The following PKHD1L1 variants were observed in gnomAD, a reference collection of about 807,000 sequenced individuals.
The protein encoded by PKHD1L1 is fibrocystin-L.
A neutral mutation model predicts 462.9 loss-of-function variants in PKHD1L1; 434 were observed. The observed-to-expected ratio is 0.94, with a 90% CI of 0.87 to 1.02. The LOEUF is 1.02. PKHD1L1 is among the 50% of genes least tolerant of loss of function. PKHD1L1 has a pLI of 0.00. For synonymous variants in PKHD1L1, 1,781 were observed against 1,750.0 expected (o/e 1.02, Z -0.44); for missense variants, 5,202 against 5,096.1 (o/e 1.02, Z -0.63).
chr8:109,497,357 CCTT>C, intron 65 of PKHD1L1, 85 bp downstream of exon 65: 1 of 1,406,972 alleles, frequency 7.1e-7, no homozygotes, highest in South Asian at 1.3e-5. Context: ...AGAATAATCT[CCTT>C]AACTTCTATC....
intron 2 of PKHD1L1, among the ~76,000 whole-genome samples, chr8:109,366,083 C>A (rs1347974606): frequency 6.6e-6 from 1 of 152,172 alleles, no homozygotes; most frequent in Non-Finnish European, 1.5e-5. Flanking sequence ...AGACCCAGAT[C>A]ATCCCTAGTT....
Position 109,389,144 on chromosome 8 carries a change from C to A in PKHD1L1, c.689C>A (p.Thr230Asn). ...TCTATGGTTTGTAAGACGACTGGAACTTTTATTGGCAAGTGTTGGTCATCT... is the reference window on the plus strand; with the variant it reads ...TCTATGGTTTGTAAGACGACTGGAAATTTTATTGGCAAGTGTTGGTCATCT... ...MGSMVCKTTG[T>N]FIGHHNVSFI... Residue 230 changes from threonine (T) to asparagine (N), a missense_variant, in exon 8 of 78, where the codon ACT (threonine) becomes AAT (asparagine). Thr to Asn is a moderately conservative substitution (Grantham distance 65, BLOSUM62 0). Coordinates refer to ENST00000378402, the MANE Select transcript of PKHD1L1 (RefSeq NM_177531.6). 6.2e-7 allele frequency: 1 copy of A among 1,606,928 alleles called. No homozygotes were observed. Among genetic ancestry groups the A allele is most frequent in the Non-Finnish European group, 8.5e-7 (1 of 1,174,698 alleles).
chr8:109,481,069 T>C (rs1466992800), intron 55 of PKHD1L1, among the ~76,000 whole-genome samples: 2 of 151,984 alleles, frequency 1.3e-5, no homozygotes, highest in African/African-American at 4.8e-5. Flanking sequence ...CTATTAGTAT[T>C]AACAATGATG....
chr8:109,495,094 T>A (rs1156478259), intron 63 of PKHD1L1, among the ~76,000 whole-genome samples: 1 of 151,676 alleles, frequency 6.6e-6, no homozygotes, highest in Non-Finnish European at 1.5e-5. Context: ...TGAATCAGCA[T>A]TTTTTTTCTG....
Position 109,426,994 on chromosome 8 carries a change from G to T in PKHD1L1, c.2846-8G>T. The T allele has an allele frequency of 7.0e-7, 1 of 1,432,676 alleles. No individual in the cohort carries two copies. The highest frequency in any genetic ancestry group is 1.1e-5 in the South Asian group (1 of 87,346). 88.7% of individuals were successfully genotyped at this position (1,432,676 alleles called of 1,614,324 possible). A position where few individuals can be genotyped will look rare whatever the true frequency, so the allele number is the denominator to read the frequency against. On this transcript the variant is annotated splice_polypyrimidine_tract_variant and splice_region_variant and intron_variant, in intron 24 of 77. Coordinates refer to ENST00000378402, the MANE Select transcript of PKHD1L1 (RefSeq NM_177531.6). The stretch of plus-strand genomic sequence containing the variant: ...CTCCTGCTGTTTGCCACCCCTCTGT[G>T]AGTGCAGGCCTCCCCGCTGCTGTGT...
Position 109,427,079 on chromosome 8 carries a change from A to T in PKHD1L1, c.2923A>T (p.Thr975Ser). 6.2e-7 allele frequency: 1 copy of T among 1,614,002 alleles called. No homozygotes were observed. The highest frequency in any genetic ancestry group is 1.1e-5 in the South Asian group (1 of 91,086). ...GGAGGGAATGGGAAGAATCTCAGTT[A>T]CACGAGAGGGAACCTGTGCTGGCTA... The part of the protein sequence containing the change: ...SLEGMGRISV[T>S]REGTCAGYAW... The change falls in exon 25 of 78, where the codon ACA (threonine) becomes TCA (serine). Residue 975 changes from threonine (T) to serine (S), a missense_variant. By Grantham distance (58) the Thr-to-Ser change is moderately conservative. Around this residue, in one of 3 missense-constraint regions of PKHD1L1, gnomAD observed 4,497 missense variants for 4,336.8 expected, o/e 1.04. Transcript: ENST00000378402.
In PKHD1L1 at chr8:109,504,365, G is replaced by T. The variant is rs773644028; in HGVS notation, c.10867G>T (p.Glu3623Ter). The change falls in exon 68 of 78, where the codon GAA becomes TAA. Residue 3623 changes from glutamate to a stop codon, truncating the protein, a stop_gained. Coordinates refer to ENST00000378402, the MANE Select transcript of PKHD1L1 (RefSeq NM_177531.6). LOFTEE classifies it high-confidence loss of function. ...TGGATTTAAGAATGTTTGTTCAGGG[G>T]AAACTAATGTTATATTCATTACTAA... ...FVGFKNVCSG[E>*]TNVIFITNPL... is the part of the protein sequence containing the mutation. 7 of 1,493,294 alleles carry T rather than the reference G, an allele frequency of 4.7e-6. No individual in the cohort carries two copies. The South Asian group carries it at 8.9e-5, about 19-fold the overall frequency. 92.5% of individuals were successfully genotyped at this position (1,493,294 alleles called of 1,614,324 possible).
rs541735482 is a variant in PKHD1L1 at position 109,474,769 on chromosome 8, A to G, written c.8606-349A>G. On this transcript the variant is annotated intron_variant, in intron 50 of 77. Coordinates refer to ENST00000378402, the MANE Select transcript of PKHD1L1 (RefSeq NM_177531.6). ...TTTAAATAATTATATTAATATATTT[A>G]GGCACTTTCGTTTTAGCAGTTGTAA... Among the ~76,000 whole-genome samples the G allele has an allele frequency of 1.3e-4, 20 of 152,226 alleles. No individual in the cohort carries two copies. The East Asian group carries it at 3.7e-3, about 28-fold the overall frequency.
chr8:109,492,043 A>G, intron 62 of PKHD1L1, 49 bp downstream of exon 62: 1 of 1,297,018 alleles, frequency 7.7e-7, no homozygotes, highest in South Asian at 1.9e-5. Flanking sequence ...TATATCAGTT[A>G]TTGAAAAATA....
chr8:109,403,170 T>C (rs1813361561), intron 14 of PKHD1L1, among the ~76,000 whole-genome samples: 1 of 152,186 alleles, frequency 6.6e-6, no homozygotes, highest in African/African-American at 2.4e-5. Flanking sequence ...CAGCTTGGAA[T>C]TTACATACTG....
At chr8:109,457,969 C>A (rs1195530555) in intron 46 of PKHD1L1, among the ~76,000 whole-genome samples, 1 of 152,024 alleles carries the variant, frequency 6.6e-6, no homozygotes, top group Non-Finnish European at 1.5e-5. Flanking sequence ...GCCCCTCCCC[C>A]ACAATTTCTT....
At position 109,476,627 on chromosome 8, in the gene PKHD1L1, C is replaced by G. The variant is rs765854379; in HGVS notation, c.8877C>G (p.Asp2959Glu). ...ATTGGAATACTAGCAAGAATGGGGA[C>G]TGGCACCTTGAAGCAAACACTAGTA... ...PLNWNTSKNG[D>E]WHLEANTSTL... The change falls in exon 52 of 78, where the codon GAC becomes GAG. Residue 2959 changes from aspartate to glutamate, a missense_variant. Coordinates refer to ENST00000378402, the MANE Select transcript of PKHD1L1 (RefSeq NM_177531.6). 1.9e-6 allele frequency: 3 copies of G among 1,600,200 alleles called. No individual in the cohort carries two copies. The highest frequency in any genetic ancestry group is 2.6e-6 in the Non-Finnish European group (3 of 1,172,408).
chr8:109,504,827 C>T (rs561644683), intron 68 of PKHD1L1, among the ~76,000 whole-genome samples: 5 of 152,184 alleles, frequency 3.3e-5, no homozygotes, highest in Non-Finnish European at 7.4e-5. Context: ...GCATAATGTG[C>T]CTGTAGTTCT....
At position 109,441,313 on chromosome 8, in the gene PKHD1L1, G is replaced by A. The variant is rs1406808601; in HGVS notation, c.4138G>A (p.Val1380Ile). The change falls in exon 34 of 78, where the codon GTC becomes ATC. Residue 1380 changes from valine to isoleucine, a missense_variant. Physicochemically the swap from Val to Ile is conservative, Grantham distance 29. Transcript: ENST00000378402. ...CAATGTTACATCATCATCAGAAAAT[G>A]TCATAAAATGTATTCTTCATTCAAC... ...PCNVTSSSEN[V>I]IKCILHSTGN... 3.8e-6 allele frequency: 6 copies of A among 1,588,874 alleles called. No individual in the cohort carries two copies. In the African/African-American group the frequency reaches 6.8e-5, roughly 18 times the overall value.
In PKHD1L1 at chr8:109,443,013, T is replaced by C; in HGVS notation, c.4461T>C (p.Ala1487=). 1 of 1,613,710 alleles carries C rather than the reference T, an allele frequency of 6.2e-7. No individual in the cohort carries two copies. Among genetic ancestry groups the C allele is most frequent in the Non-Finnish European group, 8.5e-7 (1 of 1,179,650 alleles). ...ATAGCAGCGGGTATGTTGATGAGGC[T>C]CACTCCATTTTTCTCCAAGGAGTCA... ...HYYSSGYVDE[A]HSIFLQGVIN... is the part of the protein sequence containing the mutation. The change falls in exon 36 of 78, where the codon GCT becomes GCC. Residue 1487 remains alanine (A), a synonymous_variant. Coordinates refer to ENST00000378402, the MANE Select transcript of PKHD1L1 (RefSeq NM_177531.6).
In PKHD1L1 at chr8:109,522,866, T is replaced by C. The variant is rs746569321; in HGVS notation, c.12306T>C (p.Pro4102=). The C allele has an allele frequency of 6.2e-6, 10 of 1,609,064 alleles. No homozygotes were observed. The highest frequency in any genetic ancestry group is 5.9e-6 in the Non-Finnish European group (7 of 1,178,232). The change falls in exon 75 of 78, where the codon CCT becomes CCC. Residue 4102 remains proline, a synonymous_variant. Transcript: ENST00000378402. ...CAGGACAGCCATTTCCTCAGCAGCC[T>C]TCGGTAAAGGCAACAGATTCTGACG... is the stretch of plus-strand genomic sequence containing the variant. ...AQPGQPFPQQ[P]SVKATDSDGN...
rs1172969212 is a variant in PKHD1L1 at position 109,459,777 on chromosome 8, G to C, written c.7187G>C (p.Gly2396Ala). The C allele has an allele frequency of 2.5e-6, 4 of 1,611,266 alleles. No individual in the cohort carries two copies. In the South Asian group the frequency reaches 3.3e-5, roughly 13 times the overall value. The change falls in exon 47 of 78, where the codon GGA (glycine) becomes GCA (alanine). Residue 2396 changes from glycine to alanine, a missense_variant. By Grantham distance (60) the Gly-to-Ala change is moderately conservative (BLOSUM62 0). Coordinates refer to ENST00000378402, the MANE Select transcript of PKHD1L1 (RefSeq NM_177531.6). Reference protein sequence around the residue: ...GILTRNILIRGSDNVEWNNKI... With the variant: ...GILTRNILIRASDNVEWNNKI... ...CTTACAAGAAATATTTTAATAAGAGGATCTGATAATGTTGAGTGGAATAAC... is the reference window on the plus strand; with the variant it reads ...CTTACAAGAAATATTTTAATAAGAGCATCTGATAATGTTGAGTGGAATAAC...
At chr8:109,479,397 C>A (rs1818157991) in intron 53 of PKHD1L1, among the ~76,000 whole-genome samples, 154 bp from the exon 54 acceptor site, 1 of 151,318 alleles carries the variant, frequency 6.6e-6, no homozygotes, top group Non-Finnish European at 1.5e-5. Flanking sequence ...GAAATAGCAC[C>A]ATGTGTCAAG....
Position 109,535,971 on chromosome 8 carries a change from A to ATAAGGGAACAAAG in PKHD1L1, c.*5881_*5882insTAAGGGAACAAAG, listed in dbSNP as rs34558954. 6.6e-6 allele frequency among the ~76,000 whole-genome samples: 1 copy of ATAAGGGAACAAAG among 151,148 alleles called. No homozygotes were observed. The highest frequency in any genetic ancestry group is 1.5e-5 in the Non-Finnish European group (1 of 67,938). ...CTCTTTCATCCTATGCCTTTAAAAC[A>ATAAGGGAACAAAG]AAGGGAACAAAGAAGGGAACAAAGA... On this transcript the variant is annotated 3_prime_UTR_variant, in exon 78 of 78. Transcript: ENST00000378402.
Sources: allele counts gnomAD v4.1 joint callset (sites outside exome capture counted in the v4.1 genomes callset), GRCh38; gene constraint gnomAD v4.1.1; regional missense constraint gnomAD v4.1.1; transcripts MANE v1.5; gene names NCBI Gene and HGNC (gene_info 2026-07-23, HGNC 2026-07-21).